POTEF: variants seen among roughly 807,000 people sequenced by gnomAD.
POTEF encodes POTE ankyrin domain family member F, also known as ANKRD26-like family C member 1B.
POTEF carries 20 observed loss-of-function variants against 83.2 expected under a neutral mutation model. The observed-to-expected ratio is 0.24, with a 90% CI of 0.17 to 0.35. The LOEUF is 0.35. Ranked by LOEUF, POTEF falls within the 10% of genes least tolerant of loss-of-function variation. The probability of loss-of-function intolerance (pLI) is 1.00; values close to 1 mark genes in which losing one functional copy is unlikely to be tolerated. For synonymous variants in POTEF, 196 were observed against 446.4 expected (o/e 0.44, Z 7.07); for missense variants, 550 against 1,203.2 (o/e 0.46, Z 8.03).
At position 130,110,642 on chromosome 2, in the gene POTEF, C is replaced by G; in HGVS notation, c.956G>C (p.Ser319Thr). Residue 319 changes from serine (S) to threonine (T), a missense_variant, in exon 7 of 17, where the codon AGT becomes ACT. Ser to Thr is a moderately conservative substitution (Grantham distance 58). Transcript: ENST00000409914. ...TTGCTCAAGTAGAAGGCTGACTATACTTGCTGATCCACAACATACAGCAAG... is the reference window on the plus strand; with the variant it reads ...TTGCTCAAGTAGAAGGCTGACTATAGTTGCTGATCCACAACATACAGCAAG... ...LILAVCCGSA[S>T]IVSLLLEQNI... The G allele has an allele frequency of 7.6e-7, 1 of 1,314,210 alleles. No homozygotes were observed. The highest frequency in any genetic ancestry group is 1.0e-6 in the Non-Finnish European group (1 of 980,674). The allele number at this position is 1,314,210 out of a possible 1,614,324, so 81.4% of individuals were successfully genotyped here. A position where few individuals can be genotyped will look rare whatever the true frequency, so the allele number is the denominator to read the frequency against.
intron 11 of POTEF, among the ~76,000 whole-genome samples, chr2:130,096,479 C>CGGTGGTCGCCGTATCATTAAAAA (rs1684237728): frequency 8.2e-6 from 1 of 122,408 alleles, no homozygotes; most frequent in Non-Finnish European, 1.7e-5. Flanking sequence ...GTGTAGATTT[C>CGGTGGTCGCCGTATCATTAAAAA]AGGAAGGACA....
rs529534298 is a variant in POTEF, at chr2:130,073,999, C to G, written c.*245G>C. ...ATGCGTCTCACAATATTTGGAATGA[C>G]TATTGAAAAGAAGAACAAGGTACAA... is the stretch of plus-strand genomic sequence containing the variant. On this transcript the variant is annotated 3_prime_UTR_variant, in exon 17 of 17. Coordinates refer to ENST00000409914, the MANE Select transcript of POTEF (RefSeq NM_001099771.2). 18 of 816,760 alleles carry G rather than the reference C, an allele frequency of 2.2e-5. 1 individual carries two copies. Among genetic ancestry groups the G allele is most frequent in the East Asian group, 1.6e-4 (6 of 36,450 alleles). 50.6% of individuals were successfully genotyped at this position (816,760 alleles called of 1,614,324 possible).
At chr2:130,108,216 G>A (rs1684599561) in intron 7 of POTEF, 137 bp from the exon 8 acceptor site, 2 of 1,386,734 alleles carry the variant, frequency 1.4e-6, no homozygotes, top group Admixed American at 5.3e-5. Flanking sequence ...ACCCACTTGT[G>A]AGTACATTCT....
In POTEF at chr2:130,114,588, A is replaced by G. The variant is rs1425894602; in HGVS notation, c.810+293T>C. On this transcript the variant is annotated intron_variant, in intron 5 of 16. Coordinates refer to ENST00000409914, the MANE Select transcript of POTEF (RefSeq NM_001099771.2). ...TTTTGCCATTTTACATTCAATAGGG[A>G]AAAAACATCCTAGGAGGGAAAAATT... Among the ~76,000 whole-genome samples the G allele has an allele frequency of 2.3e-3, 338 of 148,546 alleles. 5 individuals are homozygous for G. Among genetic ancestry groups the G allele is most frequent in the African/African-American group, 7.9e-3 (314 of 39,986 alleles).
At position 130,127,665 on chromosome 2, in the gene POTEF, C is replaced by T. The variant is rs187090088; in HGVS notation, c.-94+44G>A. ...TGTCGCCATCAATGCAGCAGCCCAC[C>T]CTACAAGGTTCCTACCACCTTGCCC... On this transcript the variant is annotated intron_variant, in intron 2 of 16. Coordinates refer to ENST00000409914, the MANE Select transcript of POTEF (RefSeq NM_001099771.2). The T allele has an allele frequency of 4.7e-3, 721 of 152,860 alleles. 9 individuals are homozygous for T. Among genetic ancestry groups the T allele is most frequent in the Middle Eastern group, 0.01 (3 of 294 alleles). The allele number at this position is 152,860 out of a possible 1,614,324, so 9.5% of individuals were successfully genotyped here. A position where few individuals can be genotyped will look rare whatever the true frequency, so the allele number is the denominator to read the frequency against.
chr2:130,126,339 G>A lies in POTEF; in HGVS notation c.-94+1370C>T, dbSNP rs576115639. Among the ~76,000 whole-genome samples, 94 of 150,530 alleles carry A rather than the reference G, an allele frequency of 6.2e-4. No homozygotes were observed. In the East Asian group the frequency reaches 0.017, roughly 27 times the overall value. ...AAAAAAAAAAAGAAAGAAAACAAAG[G>A]AAATGGTGGCAGAGAAAATGAAGGC... On this transcript the variant is annotated intron_variant, in intron 2 of 16. Coordinates refer to ENST00000409914, the MANE Select transcript of POTEF (RefSeq NM_001099771.2).
intron 2 of POTEF, among the ~76,000 whole-genome samples, chr2:130,126,195 C>T (rs1169318929): frequency 5.4e-5 from 7 of 129,580 alleles, no homozygotes; most frequent in Admixed American, 4.2e-4. Context: ...CCCAGTTACT[C>T]AGGAGGCTGA....
At position 130,102,852 on chromosome 2, in the gene POTEF, T is replaced by C. The variant is rs2407444; in HGVS notation, c.1127-672A>G. ...TTCTGCTTCTGTAAGCTTGCCTACA[T>C]AAGCCAAGCCCTGTCTTTGTTCAGG... On this transcript the variant is annotated intron_variant, in intron 8 of 16. Transcript: ENST00000409914. Among the ~76,000 whole-genome samples the C allele has an allele frequency of 2.0e-5, 3 of 151,682 alleles. No homozygotes were observed. In the South Asian group the frequency reaches 6.2e-4, roughly 31 times the overall value.
chr2:130,101,770 AT>A (rs553528032), intron 9 of POTEF, among the ~76,000 whole-genome samples: 3 of 117,696 alleles, frequency 2.5e-5, no homozygotes, highest in Admixed American at 9.7e-5. Context: ...AAGTTCTGCA[AT>A]TTGTTTTTGC....
chr2:130,115,747 A>G (rs935456356), intron 3 of POTEF, among the ~76,000 whole-genome samples: 1 of 152,220 alleles, frequency 6.6e-6, no homozygotes, highest in Non-Finnish European at 1.5e-5. Flanking sequence ...CAGCTCAATA[A>G]TTGTTAGATA....
At chr2:130,088,585 TTTC>T (rs1342322332) in intron 12 of POTEF, among the ~76,000 whole-genome samples, 1 of 55,358 alleles carries the variant, frequency 1.8e-5, no homozygotes, top group Admixed American at 1.9e-4. Context: ...ATTTTCTTTT[TTTC>T]TTTTTTCTTT....
At chr2:130,107,388 G>C (rs1050165105) in intron 8 of POTEF, among the ~76,000 whole-genome samples, 1 of 150,954 alleles carries the variant, frequency 6.6e-6, no homozygotes, top group African/African-American at 2.5e-5. Flanking sequence ...TTGTGCTTCA[G>C]TGTTCTTTTG....
At chr2:130,083,334 TA>T (rs1211478303) in intron 15 of POTEF, among the ~76,000 whole-genome samples, 146 of 148,880 alleles carry the variant, frequency 9.8e-4, no homozygotes, top group African/African-American at 1.9e-3. Context: ...GACTCTGTCT[TA>T]AAAAAAAAAA....
intron 3 of POTEF, among the ~76,000 whole-genome samples, chr2:130,117,253 C>T (rs1202133978): frequency 1.3e-5 from 2 of 151,762 alleles, no homozygotes; most frequent in African/African-American, 4.9e-5. Flanking sequence ...TCTACAGGAA[C>T]AGGTAAACAC....
chr2:130,126,278 G>A (rs1422855974), intron 2 of POTEF, among the ~76,000 whole-genome samples: 1 of 133,410 alleles, frequency 7.5e-6, no homozygotes, highest in Non-Finnish European at 1.5e-5. Flanking sequence ...ACTCCAGCCT[G>A]GGCAACAAGA....
At chr2:130,125,903 T>C (rs1042282831) in intron 2 of POTEF, among the ~76,000 whole-genome samples, 8 of 147,830 alleles carry the variant, frequency 5.4e-5, no homozygotes, top group African/African-American at 1.8e-4. Flanking sequence ...CGAGACTTCA[T>C]CTCAAAAAAA....
intron 7 of POTEF, among the ~76,000 whole-genome samples, chr2:130,110,322 A>G (rs1394133305): frequency 3.4e-5 from 5 of 149,052 alleles, no homozygotes; most frequent in East Asian, 2.0e-4. Context: ...AAGGATAAAG[A>G]TCTTAAAAGT....
chr2:130,078,270 T>C (rs1330413517), intron 15 of POTEF, among the ~76,000 whole-genome samples: 1 of 89,732 alleles, frequency 1.1e-5, no homozygotes, highest in Non-Finnish European at 2.4e-5. Context: ...ACAAAATAAA[T>C]GAATACCAAT....
In POTEF at chr2:130,112,242, T is replaced by C. The variant is rs1440965710; in HGVS notation, c.811-141A>G. The C allele has an allele frequency of 2.9e-6, 3 of 1,019,214 alleles. No individual in the cohort carries two copies. In the East Asian group the frequency reaches 8.3e-5, roughly 28 times the overall value. 63.1% of individuals were successfully genotyped at this position (1,019,214 alleles called of 1,614,324 possible). A position where few individuals can be genotyped will look rare whatever the true frequency, so the allele number is the denominator to read the frequency against. On this transcript the variant is annotated intron_variant, in intron 5 of 16. Transcript: ENST00000409914. The stretch of plus-strand genomic sequence containing the variant: ...TGTAGTCACTTCCTTCTCACTCTTC[T>C]GTGCTTTCCCACACGCTGCTCCTTC...
Sources: gnomAD v4.1 joint callset for allele counts (sites outside exome capture counted in the v4.1 genomes callset) on GRCh38, gnomAD v4.1.1 for gene constraint, MANE v1.5 for transcripts, NCBI Gene and HGNC (gene_info 2026-07-23, HGNC 2026-07-21) for gene names.